Variants in ADAMTSL1 observed in about 807,000 individuals in gnomAD.
ADAMTSL1 encodes ADAMTS like 1.
In ADAMTSL1, 126 loss-of-function variants were observed where a neutral mutation model predicts 201.8. The observed-to-expected ratio is 0.62, with a 90% CI of 0.54 to 0.72. The LOEUF is 0.72. Among genes scored for constraint, ADAMTSL1 ranks in the 30% least tolerant of loss-of-function variants. The pLI is 0.00. For missense variants in ADAMTSL1, 2,679 were observed against 2,277.8 expected, an observed-to-expected ratio of 1.18 and a Z score of -3.59; for synonymous variants, 1,121 against 903.4, an observed-to-expected ratio of 1.24 and a Z score of -4.32.
At chr9:18,132,986 A>G (rs527307956) in intron 1 of ADAMTSL1, among the ~76,000 whole-genome samples, 1 of 152,140 alleles carries the variant, frequency 6.6e-6, no homozygotes, top group Non-Finnish European at 1.5e-5. Context: ...CTTTCACAGT[A>G]CTAAGGAGCT....
At position 18,661,942 on chromosome 9, in the gene ADAMTSL1, G is replaced by C. The variant is rs770603282; in HGVS notation, c.954G>C (p.Gln318His). 3.1e-6 allele frequency: 5 copies of C among 1,612,946 alleles called. No individual in the cohort carries two copies. Among genetic ancestry groups the C allele is most frequent in the Non-Finnish European group, 4.2e-6 (5 of 1,179,580 alleles). Reference protein sequence around the residue: ...PCSATCGGGYQLTSAECYDLR... With the variant: ...PCSATCGGGYHLTSAECYDLR... Reference sequence around the variant, plus strand: ...GATGGTTTGATACTACAGGTTATCAGCTGACATCGGCTGAGTGCTACGATC... The same window carrying C: ...GATGGTTTGATACTACAGGTTATCACCTGACATCGGCTGAGTGCTACGATC... Residue 318 changes from glutamine (Q) to histidine (H), a missense_variant, in exon 9 of 29, where the codon CAG (glutamine) becomes CAC (histidine). Coordinates refer to ENST00000380548, the MANE Select transcript of ADAMTSL1 (RefSeq NM_001040272.6).
chr9:18,382,135 T>C (rs2133185265), intron 2 of ADAMTSL1, among the ~76,000 whole-genome samples: 1 of 152,286 alleles, frequency 6.6e-6, no homozygotes, highest in Non-Finnish European at 1.5e-5. Flanking sequence ...GGTAGCATGC[T>C]CTTCCTTGCA....
chr9:18,064,109 C>T (rs1261284885), intron 1 of ADAMTSL1, among the ~76,000 whole-genome samples: 1 of 152,182 alleles, frequency 6.6e-6, no homozygotes, highest in Non-Finnish European at 1.5e-5. Context: ...TGGAAACCCA[C>T]TTTCTAAGCA....
In ADAMTSL1 at chr9:18,826,753, G is replaced by C. The variant is rs75307556; in HGVS notation, c.4114+290G>C. 7.0e-3 allele frequency among the ~76,000 whole-genome samples: 1,073 copies of C among 152,298 alleles called. 18 individuals carry two copies. Among genetic ancestry groups the C allele is most frequent in the African/African-American group, 0.024 (1,017 of 41,550 alleles). On this transcript the variant is annotated intron_variant, in intron 22 of 28. Transcript: ENST00000380548. Reference sequence around the variant, plus strand: ...TGCGGAGACTCCAGACAGGAGGATTGCAAGGGCAGAACAGGTATCTCAAAC... The same window carrying C: ...TGCGGAGACTCCAGACAGGAGGATTCCAAGGGCAGAACAGGTATCTCAAAC...
chr9:17,972,992 C>A (rs1818277314), intron 1 of ADAMTSL1, among the ~76,000 whole-genome samples: 1 of 148,478 alleles, frequency 6.7e-6, no homozygotes, highest in Non-Finnish European at 1.5e-5. Flanking sequence ...ATATCCTTCA[C>A]CCACTTTTTG....
At chr9:18,294,514 G>A (rs550223997) in intron 2 of ADAMTSL1, among the ~76,000 whole-genome samples, 6 of 152,322 alleles carry the variant, frequency 3.9e-5, no homozygotes, top group African/African-American at 1.4e-4. Context: ...CATCTGTCCA[G>A]GTGGGTTGCC....
At chr9:18,742,855 A>G (rs12001448) in intron 15 of ADAMTSL1, among the ~76,000 whole-genome samples, 8,913 of 152,282 alleles carry the variant, frequency 0.059, 345 homozygotes, top group East Asian at 0.17. Flanking sequence ...ATGGTATTAG[A>G]GAAGAAACAC....
intron 2 of ADAMTSL1, among the ~76,000 whole-genome samples, chr9:18,285,213 A>G (rs1832948506): frequency 6.6e-6 from 1 of 152,198 alleles, no homozygotes; most frequent in African/African-American, 2.4e-5. Context: ...ATATTTTATG[A>G]TATCATATAT....
At chr9:18,397,560 C>T (rs1053241457) in intron 2 of ADAMTSL1, among the ~76,000 whole-genome samples, 5 of 152,026 alleles carry the variant, frequency 3.3e-5, no homozygotes, top group African/African-American at 1.2e-4. Flanking sequence ...TTCTCAACAT[C>T]GGTACTGGTG....
intron 1 of ADAMTSL1, among the ~76,000 whole-genome samples, chr9:18,156,792 A>G (rs1827173874): frequency 6.6e-6 from 1 of 152,042 alleles, no homozygotes; most frequent in Admixed American, 6.6e-5. Flanking sequence ...GTCTAAGTGT[A>G]GGTATGAATC....
At chr9:18,177,977 G>A (rs556372481) in intron 2 of ADAMTSL1, among the ~76,000 whole-genome samples, 23 of 152,274 alleles carry the variant, frequency 1.5e-4, no homozygotes, top group African/African-American at 3.1e-4. Flanking sequence ...AATTTTTGGC[G>A]GGTGATGAAA....
chr9:18,065,136 A>C (rs1480980171), intron 1 of ADAMTSL1, among the ~76,000 whole-genome samples: 2 of 152,060 alleles, frequency 1.3e-5, no homozygotes, highest in African/African-American at 4.8e-5. Context: ...AATTTGTAGA[A>C]AACTTTTTTC....
intron 2 of ADAMTSL1, among the ~76,000 whole-genome samples, chr9:18,193,051 G>T (rs1829033496): frequency 6.6e-6 from 1 of 152,060 alleles, no homozygotes; most frequent in South Asian, 2.1e-4. Flanking sequence ...GAGTGACCAT[G>T]GAGTCAATGT....
At chr9:18,032,083 T>G (rs547590570) in intron 1 of ADAMTSL1, among the ~76,000 whole-genome samples, 10 of 152,290 alleles carry the variant, frequency 6.6e-5, no homozygotes, top group Admixed American at 2.0e-4. Context: ...AGCCTTCTTG[T>G]GCTCATATAA....
rs145264514 is a variant in ADAMTSL1 at position 18,497,368 on chromosome 9, G to T, written c.64-7461G>T. On this transcript the variant is annotated intron_variant, in intron 1 of 28. Transcript: ENST00000380548. Reference sequence around the variant, plus strand: ...AAAATACATGAATTACCAGCTTCAGGCTTCTACTCCTAATTGAGCACTCTC... The same window carrying T: ...AAAATACATGAATTACCAGCTTCAGTCTTCTACTCCTAATTGAGCACTCTC... Among the ~76,000 whole-genome samples the T allele has an allele frequency of 1.2e-3, 178 of 151,694 alleles. 1 individual carries two copies. Among genetic ancestry groups the T allele is most frequent in the African/African-American group, 4.1e-3 (169 of 41,416 alleles).
chr9:18,877,152 A>AT (rs1202434566), intron 23 of ADAMTSL1, among the ~76,000 whole-genome samples: 1 of 151,744 alleles, frequency 6.6e-6, no homozygotes, highest in Non-Finnish European at 1.5e-5. Flanking sequence ...ATCCTGTATC[A>AT]TTTTTTTGAT....
intron 1 of ADAMTSL1, among the ~76,000 whole-genome samples, chr9:18,144,891 T>C (rs1262061590): frequency 6.6e-6 from 1 of 152,114 alleles, no homozygotes; most frequent in Non-Finnish European, 1.5e-5. Context: ...TACAGCAAAA[T>C]GAACTCTGTC....
intron 2 of ADAMTSL1, among the ~76,000 whole-genome samples, chr9:18,366,312 A>G (rs890192443): frequency 7.7e-6 from 1 of 130,490 alleles, no homozygotes; most frequent in Non-Finnish European, 1.8e-5. Flanking sequence ...AGCGTGCATC[A>G]GCTTCCTTAT....
chr9:18,536,840 C>T (rs1399561311), intron 3 of ADAMTSL1, among the ~76,000 whole-genome samples: 15 of 152,182 alleles, frequency 9.9e-5, no homozygotes, highest in African/African-American at 3.6e-4. Context: ...TAGGTCATAT[C>T]TTCATGTTAA....
Sources: gnomAD v4.1 joint callset for allele counts (sites outside exome capture counted in the v4.1 genomes callset) on GRCh38, gnomAD v4.1.1 for gene constraint, MANE v1.5 for transcripts, NCBI Gene and HGNC (gene_info 2026-07-23, HGNC 2026-07-21) for gene names.